NHSL1: variants seen among roughly 807,000 people sequenced by gnomAD.
NHSL1 encodes the protein NHS-like protein 1.
In NHSL1, 48 loss-of-function variants were observed where a neutral mutation model predicts 95.0. That is an observed-to-expected ratio of 0.51 (90% confidence interval 0.40 to 0.64). The LOEUF (loss-of-function observed/expected upper bound fraction) is 0.64, where lower values mean the gene tolerates loss of function less well. Among genes scored for constraint, NHSL1 ranks in the 30% least tolerant of loss-of-function variants. The probability of loss-of-function intolerance (pLI) is 0.00; values close to 1 mark genes in which losing one functional copy is unlikely to be tolerated. For missense variants in NHSL1, 1,971 were observed against 2,077.7 expected, an observed-to-expected ratio of 0.95 and a Z score of 1.00; for synonymous variants, 783 against 833.9, an observed-to-expected ratio of 0.94 and a Z score of 1.05.
rs1347097759 is a variant in NHSL1, at chr6:138,431,571, C to T, written c.2774G>A (p.Gly925Asp). 1 of 1,551,262 alleles carries T rather than the reference C, an allele frequency of 6.4e-7. No homozygotes were observed. Among genetic ancestry groups the T allele is most frequent in the Non-Finnish European group, 8.7e-7 (1 of 1,146,818 alleles). Residue 925 changes from glycine to aspartate, a missense_variant, in exon 6 of 8, where the codon GGC (glycine) becomes GAC (aspartate). Gly to Asp is a moderately conservative substitution (Grantham distance 94). Transcript: ENST00000343505. The surrounding 1 kb of genome is among the most constrained non-coding windows in gnomAD (Gnocchi z 4.0). ...AGGAGGAGGAGGAGCCGGGGGAGAG[C>T]CCACGGCTGGATCCAGCTTCTTCAT... Reference protein sequence around the residue: ...GTMKKLDPAVGSPPAPPPPPV... With the variant: ...GTMKKLDPAVDSPPAPPPPPV...
At chr6:138,538,805 G>T (rs1187030571) in intron 1 of NHSL1, among the ~76,000 whole-genome samples, 1 of 152,176 alleles carries the variant, frequency 6.6e-6, no homozygotes, top group African/African-American at 2.4e-5. Flanking sequence ...ACTATTCTGT[G>T]TATATATAAA....
rs1785475738 is a variant in NHSL1, at chr6:138,678,537, T to G, written c.96+13939A>C. Among the ~76,000 whole-genome samples, 3 of 152,332 alleles carry G rather than the reference T, an allele frequency of 2.0e-5. No homozygotes were observed. In the South Asian group the frequency reaches 6.2e-4, roughly 32 times the overall value. On this transcript the variant is annotated intron_variant, in intron 1 of 3. Coordinates refer to the NHSL1 transcript ENST00000491526. ...ACCCCTAGCCAAACTCAGAAATTTT[T>G]CAAAATTAAAATGAATTTAAAAGTT...
At chr6:138,691,194 ACCTTATGAG>A (rs1271225732) in intron 1 of NHSL1, among the ~76,000 whole-genome samples, 1 of 152,202 alleles carries the variant, frequency 6.6e-6, no homozygotes, top group Admixed American at 6.5e-5. Context: ...TATGTCAACA[ACCTTATGAG>A]ATCACTTTGA....
chr6:138,649,239 C>A (rs1357160240), intron 1 of NHSL1, among the ~76,000 whole-genome samples: 2 of 152,060 alleles, frequency 1.3e-5, no homozygotes, highest in East Asian at 1.9e-4. Flanking sequence ...CAGCTCTATA[C>A]ACTTCATCTA....
chr6:138,604,154 T>C (rs1159704440), intron 1 of NHSL1, among the ~76,000 whole-genome samples: 1 of 152,058 alleles, frequency 6.6e-6, no homozygotes, highest in Admixed American at 6.5e-5. Flanking sequence ...TATTTTTGTT[T>C]CAGAAGTCAA....
intron 1 of NHSL1, among the ~76,000 whole-genome samples, chr6:138,638,804 G>A (rs980421198): frequency 6.6e-6 from 1 of 152,130 alleles, no homozygotes; most frequent in African/African-American, 2.4e-5. Context: ...GCATATTAAT[G>A]AGTAGGAGCA....
intron 1 of NHSL1, among the ~76,000 whole-genome samples, chr6:138,613,168 T>A (rs2114604175): frequency 6.6e-6 from 1 of 152,322 alleles, no homozygotes; most frequent in Middle Eastern, 3.4e-3. Flanking sequence ...TTTAACTAAC[T>A]GCAGGCCAAA....
rs539642042 is a variant in NHSL1 at position 138,657,566 on chromosome 6, C to T, written c.96+34910G>A. On this transcript the variant is annotated intron_variant, in intron 1 of 3. Transcript: ENST00000491526. ...CGGTGGCTCATGCCTGTAATCCCAG[C>T]ACTTTGGGAGGCCGAGGCAGGCGGA... Among the ~76,000 whole-genome samples the T allele has an allele frequency of 4.2e-4, 64 of 152,092 alleles. 1 individual carries two copies. In the South Asian group the frequency reaches 0.012, roughly 28 times the overall value.
chr6:138,683,978 A>G (rs1785546697), intron 1 of NHSL1, among the ~76,000 whole-genome samples: 2 of 152,224 alleles, frequency 1.3e-5, no homozygotes, highest in Non-Finnish European at 2.9e-5. Context: ...TGGGAGGCCA[A>G]GGCGAGCAGA....
At chr6:138,479,501 G>A (rs1196348421) in intron 2 of NHSL1, among the ~76,000 whole-genome samples, 4 of 152,210 alleles carry the variant, frequency 2.6e-5, no homozygotes, top group African/African-American at 4.8e-5. Context: ...TGTCTGCAGC[G>A]TGGATCCGAT....
At chr6:138,458,852 A>C (rs937227073) in intron 3 of NHSL1, among the ~76,000 whole-genome samples, 2 of 151,864 alleles carry the variant, frequency 1.3e-5, no homozygotes, top group African/African-American at 2.4e-5. Context: ...CAAAAAAAAA[A>C]ACCCAGAAAA....
intron 1 of NHSL1, among the ~76,000 whole-genome samples, chr6:138,644,285 G>A (rs901452509): frequency 1.2e-4 from 18 of 152,110 alleles, no homozygotes; most frequent in African/African-American, 3.6e-4. Context: ...GGTCGGTCAC[G>A]AGGTCAGGAG....
At chr6:138,428,523 T>A (rs1775411378) in intron 7 of NHSL1, among the ~76,000 whole-genome samples, 1 of 152,196 alleles carries the variant, frequency 6.6e-6, no homozygotes, top group Non-Finnish European at 1.5e-5. Context: ...AAAGGGGCAG[T>A]CTTTAGGATC....
chr6:138,452,028 G>A (rs1232041405), intron 3 of NHSL1, among the ~76,000 whole-genome samples: 2 of 152,090 alleles, frequency 1.3e-5, no homozygotes, highest in African/African-American at 2.4e-5. Flanking sequence ...CCTCAATATA[G>A]GGTGACTTTT....
intron 1 of NHSL1, among the ~76,000 whole-genome samples, chr6:138,599,310 G>A (rs1207561694): frequency 2.0e-5 from 3 of 152,110 alleles, no homozygotes; most frequent in African/African-American, 4.8e-5. Flanking sequence ...TCAAGAGTTC[G>A]AGACCAGCCT....
At chr6:138,587,553 C>T (rs1450814674) in intron 1 of NHSL1, among the ~76,000 whole-genome samples, 1 of 150,188 alleles carries the variant, frequency 6.7e-6, no homozygotes, top group Non-Finnish European at 1.5e-5. Context: ...AGTAAGCCTC[C>T]TACCCTACCT....
chr6:138,653,505 G>A (rs755775911), intron 1 of NHSL1, among the ~76,000 whole-genome samples: 33 of 152,004 alleles, frequency 2.2e-4, no homozygotes, highest in Non-Finnish European at 4.3e-4. Context: ...AGTGAGCTGA[G>A]ATGCCAAGAT....
chr6:138,466,102 C>T (rs1445873805), intron 3 of NHSL1, among the ~76,000 whole-genome samples: 7 of 140,858 alleles, frequency 5.0e-5, no homozygotes, highest in African/African-American at 1.6e-4. Flanking sequence ...TGCAGTGGTG[C>T]GATCTCAGCT....
intron 1 of NHSL1, among the ~76,000 whole-genome samples, chr6:138,628,662 C>T (rs528668805): frequency 4.6e-5 from 7 of 152,220 alleles, no homozygotes; most frequent in South Asian, 2.1e-4. Context: ...GCAGGAGAAT[C>T]GCTTGAACCT....
Sources: gnomAD v4.1 joint callset for allele counts (sites outside exome capture counted in the v4.1 genomes callset) on GRCh38, gnomAD v4.1.1 for gene constraint, Gnocchi (gnomAD v3.1) non-coding constraint, MANE v1.5 for transcripts, NCBI Gene and HGNC (gene_info 2026-07-23, HGNC 2026-07-21) for gene names.